Variants in RNF157 observed in about 807,000 individuals in gnomAD.
The protein encoded by RNF157 is ring finger protein 157.
A neutral mutation model predicts 88.3 loss-of-function variants in RNF157; 55 were observed. The observed-to-expected ratio is 0.62, with a 90% confidence interval of 0.50 to 0.78. The LOEUF is 0.78. Among genes scored for constraint, RNF157 ranks in the 30% least tolerant of loss-of-function variants. The pLI is 0.00. For missense variants in RNF157, 788 were observed against 860.8 expected (o/e 0.92, Z 1.06); for synonymous variants, 334 against 341.2 (o/e 0.98, Z 0.23).
chr17:76,213,651 C>G (rs6501862), intron 1 of RNF157, among the ~76,000 whole-genome samples: 21,181 of 150,794 alleles, frequency 0.14, 2,229 homozygotes, highest in African/African-American at 0.28. Flanking sequence ...GAATTAACCA[C>G]TGCCTGGCAG....
At chr17:76,147,772 TGCC>T (rs1316629224) in intron 18 of RNF157, among the ~76,000 whole-genome samples, 1 of 152,148 alleles carries the variant, frequency 6.6e-6, no homozygotes. Flanking sequence ...CCAGAGCAGG[TGCC>T]GCCATTTTGT....
Position 76,173,808 on chromosome 17 carries a change from CAGG to C in RNF157, c.208-21_208-19del, listed in dbSNP as rs71996459. 66,895 of 1,594,468 alleles carry C rather than the reference CAGG, an allele frequency of 0.042. 1,575 individuals carry two copies. The highest frequency in any genetic ancestry group is 0.072 in the African/African-American group (5,355 of 74,482). On this transcript the variant is annotated intron_variant, in intron 2 of 18. Transcript: ENST00000269391. ...TAAGGAAACTGTGTCAGAAACAAAG[CAGG>C]AGAAGGTGGTGTGTTTAAAAAGACC...
intron 5 of RNF157, 111 bp from the exon 6 acceptor site, chr17:76,166,638 T>C (rs1020958383): frequency 3.1e-5 from 28 of 891,482 alleles, no homozygotes; most frequent in Non-Finnish European, 5.0e-5. Flanking sequence ...TCATCTCTGC[T>C]CCTCATTCTT....
Position 76,146,531 on chromosome 17 carries a change from A to G in RNF157, c.1922-1178T>C, listed in dbSNP as rs531008886. ...TCAGGGTCCCCTGGCTCCCTGGGGT[A>G]GGGAAGGCATGTCGTCCTCCGGACC... On this transcript the variant is annotated intron_variant, in intron 18 of 18. Coordinates refer to ENST00000269391, the MANE Select transcript of RNF157 (RefSeq NM_052916.3). This position sits in a 1 kb window ranked among gnomAD's most constrained non-coding sequence, Gnocchi z 4.2. 3.1e-5 allele frequency: 31 copies of G among 985,372 alleles called. No individual in the cohort carries two copies. In the East Asian group the frequency reaches 2.5e-3, roughly 79 times the overall value. 61.0% of individuals were successfully genotyped at this position (985,372 alleles called of 1,614,324 possible).
chr17:76,155,215 G>T (rs745583920), intron 16 of RNF157, 37 bp downstream of exon 16: 5 of 1,590,728 alleles, frequency 3.1e-6, no homozygotes, highest in Non-Finnish European at 4.3e-6. Context: ...TCCTCTGGTT[G>T]TGGGAAGGGG....
At chr17:76,226,867 C>T (rs2070097966) in intron 1 of RNF157, 6 of 1,321,352 alleles carry the variant, frequency 4.5e-6, no homozygotes, top group Non-Finnish European at 6.3e-6. Context: ...TTGTCGGTTA[C>T]AGCAATGCTG....
intron 2 of RNF157, among the ~76,000 whole-genome samples, chr17:76,190,334 T>C (rs924022907): frequency 1.3e-5 from 2 of 151,996 alleles, no homozygotes; most frequent in Non-Finnish European, 2.9e-5. Context: ...ACCCAGCTAA[T>C]TTTTATATTT....
intron 2 of RNF157, among the ~76,000 whole-genome samples, chr17:76,199,994 T>C (rs1598424489): frequency 6.6e-6 from 1 of 152,028 alleles, no homozygotes; most frequent in Admixed American, 6.5e-5. Context: ...TCCCAGCACT[T>C]TGGGAGGCCG....
rs2070075833 is a variant in RNF157, at chr17:76,225,934, T to C, written c.89-13452A>G. The stretch of plus-strand genomic sequence containing the variant: ...TCTTCTTCTGGCGGTACCTAGTGGC[T>C]GCTGTCTTGTTTTGCTCCATTTTTT... On this transcript the variant is annotated intron_variant, in intron 1 of 18. Coordinates refer to ENST00000269391, the MANE Select transcript of RNF157 (RefSeq NM_052916.3). 2.5e-5 allele frequency: 41 copies of C among 1,612,812 alleles called. No homozygotes were observed. The South Asian group carries it at 3.1e-4, about 12-fold the overall frequency.
chr17:76,237,169 T>C (rs1338493884), intron 1 of RNF157, among the ~76,000 whole-genome samples: 3 of 152,266 alleles, frequency 2.0e-5, no homozygotes, highest in Non-Finnish European at 2.9e-5. Flanking sequence ...AGTCTCAACT[T>C]GAAATCTGCC....
chr17:76,162,221 C>G (rs759345123), intron 9 of RNF157: 3 of 591,970 alleles, frequency 5.1e-6, no homozygotes, highest in Non-Finnish European at 8.9e-6. Context: ...ACTAACCACT[C>G]GAGCTCCTCC....
intron 2 of RNF157, among the ~76,000 whole-genome samples, chr17:76,175,022 T>C (rs1368889952): frequency 2.6e-5 from 4 of 152,218 alleles, no homozygotes; most frequent in Non-Finnish European, 4.4e-5. Flanking sequence ...CTATCCCTAA[T>C]TTTACTACTC....
At chr17:76,204,673 T>C (rs149135217) in intron 2 of RNF157, among the ~76,000 whole-genome samples, 1 of 152,292 alleles carries the variant, frequency 6.6e-6, no homozygotes, top group East Asian at 1.9e-4. Context: ...CATATGATAA[T>C]AGGGTTCAAT....
chr17:76,212,129 T>C (rs1238406281), intron 2 of RNF157: 1 of 436,200 alleles, frequency 2.3e-6, no homozygotes, highest in Admixed American at 3.5e-5. Flanking sequence ...AGATCTGTCC[T>C]AGCTTAATTT....
At chr17:76,167,262 T>G (rs1249716446) in intron 4 of RNF157, 136 bp from the exon 5 acceptor site, 3 of 716,178 alleles carry the variant, frequency 4.2e-6, no homozygotes, top group Non-Finnish European at 2.4e-6. Flanking sequence ...ATAATCCATT[T>G]CCTTTGCTCT....
intron 2 of RNF157, among the ~76,000 whole-genome samples, chr17:76,191,123 G>A (rs991785797): frequency 6.6e-6 from 1 of 152,044 alleles, no homozygotes; most frequent in Non-Finnish European, 1.5e-5. Flanking sequence ...TATGGCTAAG[G>A]ACTACATTCT....
At chr17:76,168,947 C>T (rs901025150) in intron 3 of RNF157, among the ~76,000 whole-genome samples, 4 of 152,212 alleles carry the variant, frequency 2.6e-5, no homozygotes, top group Admixed American at 6.5e-5. Context: ...AGTCTGAAGT[C>T]GTTCCAACTG....
chr17:76,201,219 C>T (rs2069571149), intron 2 of RNF157, among the ~76,000 whole-genome samples: 1 of 151,038 alleles, frequency 6.6e-6, no homozygotes, highest in Admixed American at 6.6e-5. Context: ...GGCACAGTGG[C>T]TCACACCTGT....
intron 2 of RNF157, among the ~76,000 whole-genome samples, chr17:76,196,276 T>G (rs1207134594): frequency 6.6e-6 from 1 of 152,164 alleles, no homozygotes; most frequent in Non-Finnish European, 1.5e-5. Context: ...AGCCAGACAT[T>G]AAAGAGCAAA....
Sources: gnomAD v4.1 joint callset for allele counts (sites outside exome capture counted in the v4.1 genomes callset) on GRCh38, gnomAD v4.1.1 for gene constraint, Gnocchi (gnomAD v3.1) non-coding constraint, MANE v1.5 for transcripts, NCBI Gene and HGNC (gene_info 2026-07-23, HGNC 2026-07-21) for gene names.